The following NOMO3 variants were observed in gnomAD, a reference collection of about 807,000 sequenced individuals.
NOMO3 encodes the protein NODAL modulator 3, also known as BOS complex subunit NOMO3.
NOMO3 carries 15 observed loss-of-function variants against 69.9 expected under a neutral mutation model. The ratio of observed to expected loss-of-function variants is 0.21; its 90% CI spans 0.14 to 0.33. The LOEUF (loss-of-function observed/expected upper bound fraction) is 0.33, where lower values mean the gene tolerates loss of function less well. Ranked by LOEUF, NOMO3 falls within the 10% of genes least tolerant of loss-of-function variation. NOMO3 has a pLI of 1.00. For missense variants in NOMO3, 218 were observed against 761.0 expected (o/e 0.29, Z 8.39); for synonymous variants, 89 against 301.9 (o/e 0.29, Z 7.31).
intron 15 of NOMO3, among the ~76,000 whole-genome samples, chr16:16,265,707 G>A (rs1391808075): frequency 1.3e-3 from 73 of 57,822 alleles, no homozygotes; most frequent in African/African-American, 5.9e-3. Flanking sequence ...TTGAGATGGA[G>A]TCTTGCTCTG....
intron 9 of NOMO3, among the ~76,000 whole-genome samples, chr16:16,255,376 G>A (rs1244937741): frequency 7.2e-6 from 1 of 138,654 alleles, no homozygotes; most frequent in Non-Finnish European, 1.5e-5. Flanking sequence ...GGAGGAAGAC[G>A]TGGTTCACCA....
chr16:16,263,106 G>C lies in NOMO3; in HGVS notation c.1428G>C (p.Gly476=). Residue 476 remains glycine (G), a synonymous_variant, in exon 13 of 31, where the codon GGG becomes GGC. Transcript: ENST00000399336. The part of the protein sequence containing the change: ...VMVPEAETRA[G]LTLKPQTFPL... ...TTCCTGAGGCAGAAACCAGAGCAGG[G>C]CTGACGTTGAAACCCCAGACATTTC... is the stretch of plus-strand genomic sequence containing the variant. The C allele has an allele frequency of 6.3e-7, 1 of 1,594,400 alleles. No homozygotes were observed. Among genetic ancestry groups the C allele is most frequent in the South Asian group, 1.1e-5 (1 of 89,554 alleles).
At chr16:16,255,667 G>A in intron 9 of NOMO3, 53 bp from the exon 10 acceptor site, 1 of 1,581,838 alleles carries the variant, frequency 6.3e-7, no homozygotes, top group South Asian at 1.1e-5. Flanking sequence ...AGGAGGCTTT[G>A]TGGCTCTGGC....
At chr16:16,265,637 GATATAT>G (rs1160088009) in intron 15 of NOMO3, among the ~76,000 whole-genome samples, 2 of 42,380 alleles carry the variant, frequency 4.7e-5, no homozygotes, top group Non-Finnish European at 7.1e-5. Context: ...GAGTTTCTCT[GATATAT>G]ATATATATAT....
At chr16:16,249,597 A>T (rs2049446005) in intron 6 of NOMO3, among the ~76,000 whole-genome samples, 1 of 140,136 alleles carries the variant, frequency 7.1e-6, no homozygotes, top group Non-Finnish European at 1.5e-5. Flanking sequence ...AAAAAAAAAA[A>T]AAATTTATTC....
Position 16,257,641 on chromosome 16 carries a change from A to T in NOMO3, c.1220+1483A>T, listed in dbSNP as rs527627023. Among the ~76,000 whole-genome samples, 2 of 140,712 alleles carry T rather than the reference A, an allele frequency of 1.4e-5. 1 individual carries two copies. Among genetic ancestry groups the T allele is most frequent in the South Asian group, 4.4e-4 (2 of 4,506 alleles). 92.3% of individuals were successfully genotyped at this position (140,712 alleles called of 152,430 possible). On this transcript the variant is annotated intron_variant, in intron 11 of 30. Coordinates refer to ENST00000399336, the MANE Select transcript of NOMO3 (RefSeq NM_001004067.4). ...CCAAAAACAGAGTGCCAGGTGGCCCAGGGGGGGACCTAGGGAGCCTGAGGT... is the reference window on the plus strand; with the variant it reads ...CCAAAAACAGAGTGCCAGGTGGCCCTGGGGGGGACCTAGGGAGCCTGAGGT...
rs1343915224 is a variant in NOMO3 at position 16,258,952 on chromosome 16, G to A, written c.1221-2550G>A. ...GTTTGTTTTTCTTCCTGGCTGCTGT[G>A]TGGAGAATGGATTGGAGGAAAGCCA... On this transcript the variant is annotated intron_variant, in intron 11 of 30. Coordinates refer to ENST00000399336, the MANE Select transcript of NOMO3 (RefSeq NM_001004067.4). 1.1e-4 allele frequency among the ~76,000 whole-genome samples: 16 copies of A among 143,148 alleles called. 6 individuals are homozygous for A. The highest frequency in any genetic ancestry group is 4.6e-4 in the African/African-American group (16 of 34,556). The allele number at this position is 143,148 out of a possible 152,430, so 93.9% of individuals were successfully genotyped here.
At chr16:16,254,432 A>G (rs999607716) in intron 9 of NOMO3, among the ~76,000 whole-genome samples, 2 of 142,676 alleles carry the variant, frequency 1.4e-5, no homozygotes, top group Non-Finnish European at 3.0e-5. Context: ...AAGATCAATA[A>G]GGACTACCTG....
At chr16:16,262,593 GA>G (rs1321890925) in intron 12 of NOMO3, among the ~76,000 whole-genome samples, 1 of 111,904 alleles carries the variant, frequency 8.9e-6, no homozygotes, top group Non-Finnish European at 1.7e-5. Flanking sequence ...CTTTACTAGG[GA>G]TGAAAGAGTT....
Position 16,232,837 on chromosome 16 carries a change from C to T in NOMO3, c.165+6C>T. Reference sequence around the variant, plus strand: ...TCAACTACTCTCTCATCGAGGTGAGCGCCCGCCCCGCCGCCCGGCGCCGAG... The same window carrying T: ...TCAACTACTCTCTCATCGAGGTGAGTGCCCGCCCCGCCGCCCGGCGCCGAG... On this transcript the variant is annotated splice_donor_region_variant and intron_variant, in intron 1 of 30. Transcript: ENST00000399336. 1 of 356,964 alleles carries T rather than the reference C, an allele frequency of 2.8e-6. No homozygotes were observed. Among genetic ancestry groups the T allele is most frequent in the East Asian group, 4.8e-5 (1 of 20,684 alleles). 22.1% of individuals were successfully genotyped at this position (356,964 alleles called of 1,614,324 possible).
At chr16:16,261,241 C>G (rs1470069547) in intron 11 of NOMO3, 1 of 481,740 alleles carries the variant, frequency 2.1e-6, no homozygotes, top group East Asian at 5.0e-5. Flanking sequence ...AGATGTCACC[C>G]GGAACACACA....
intron 3 of NOMO3, among the ~76,000 whole-genome samples, chr16:16,240,618 A>G (rs972272528): frequency 5.5e-5 from 8 of 144,648 alleles, no homozygotes; most frequent in Non-Finnish European, 1.2e-4. Flanking sequence ...TGGGGTTGAG[A>G]TCAGAAGAGA....
chr16:16,269,587 A>G (rs2049646300), intron 16 of NOMO3, among the ~76,000 whole-genome samples: 1 of 139,260 alleles, frequency 7.2e-6, no homozygotes, highest in Non-Finnish European at 1.5e-5. Flanking sequence ...TATTCCTTGT[A>G]TCTTCCTGAA....
rs414875 is a variant in NOMO3 at position 16,268,206 on chromosome 16, A to G, written c.1894+1075A>G. Among the ~76,000 whole-genome samples the G allele has an allele frequency of 4.6e-4, 67 of 144,508 alleles. 7 individuals are homozygous for G. The highest frequency in any genetic ancestry group is 1.2e-3 in the African/African-American group (44 of 35,532). The allele number at this position is 144,508 out of a possible 152,430, so 94.8% of individuals were successfully genotyped here. The stretch of plus-strand genomic sequence containing the variant: ...TATGACTAATGTTACGGACATTCTT[A>G]TACAAGTCTTTGTGTCCGTATGTTT... On this transcript the variant is annotated intron_variant, in intron 16 of 30. Transcript: ENST00000399336.
At chr16:16,268,773 G>C (rs994213968) in intron 16 of NOMO3, among the ~76,000 whole-genome samples, 1 of 142,760 alleles carries the variant, frequency 7.0e-6, no homozygotes, top group Admixed American at 6.8e-5. Context: ...GATTCTTTAG[G>C]CCTTTCCCTT....
chr16:16,266,160 G>A (rs1177356697), intron 15 of NOMO3, among the ~76,000 whole-genome samples: 5 of 138,936 alleles, frequency 3.6e-5, no homozygotes, highest in South Asian at 2.3e-4. Context: ...GTCGAGCGGC[G>A]GCAGATGTCA....
chr16:16,254,954 G>C (rs1301135991), intron 9 of NOMO3, among the ~76,000 whole-genome samples: 1 of 143,614 alleles, frequency 7.0e-6, no homozygotes, highest in Non-Finnish European at 1.5e-5. Context: ...ACAGAGTCTT[G>C]CTGCTTCACA....
chr16:16,241,444 G>A (rs979095164), intron 3 of NOMO3, among the ~76,000 whole-genome samples: 3 of 136,370 alleles, frequency 2.2e-5, no homozygotes, highest in Non-Finnish European at 4.6e-5. Context: ...TTGAGACTGA[G>A]TCTCGCTCTG....
At chr16:16,264,438 GAA>G (rs1428935202) in intron 14 of NOMO3, among the ~76,000 whole-genome samples, 1 of 22,528 alleles carries the variant, frequency 4.4e-5, no homozygotes, top group Non-Finnish European at 8.7e-5. Flanking sequence ...CTGCAAAACT[GAA>G]AAGAGTTACA....
Sources: allele counts gnomAD v4.1 joint callset (sites outside exome capture counted in the v4.1 genomes callset), GRCh38; gene constraint gnomAD v4.1.1; transcripts MANE v1.5; gene names NCBI Gene and HGNC (gene_info 2026-07-23, HGNC 2026-07-21).